ZCWPW2: variants seen among roughly 807,000 people sequenced by gnomAD.
ZCWPW2 encodes zinc finger CW-type and PWWP domain containing 2.
ZCWPW2 carries 45 observed loss-of-function variants against 46.6 expected under a neutral mutation model. The observed-to-expected ratio is 0.96, with a 90% CI of 0.76 to 1.24. The LOEUF (loss-of-function observed/expected upper bound fraction) is 1.24. ZCWPW2 is among the 50% of genes most tolerant of loss of function. The pLI is 0.00. For synonymous variants in ZCWPW2, 152 were observed against 137.1 expected, an observed-to-expected ratio of 1.11 and a Z score of -0.76; for missense variants, 429 against 403.9, an observed-to-expected ratio of 1.06 and a Z score of -0.53.
chr3:28,490,497 G>C (rs374991467), intron 5 of ZCWPW2, among the ~76,000 whole-genome samples: 15 of 152,180 alleles, frequency 9.9e-5, no homozygotes, highest in East Asian at 3.9e-4. Context: ...TCATGTAAAA[G>C]AACAAAATAA....
chr3:28,508,180 G>C (rs1403647664), intron 6 of ZCWPW2, among the ~76,000 whole-genome samples: 1 of 152,014 alleles, frequency 6.6e-6, no homozygotes, highest in African/African-American at 2.4e-5. Flanking sequence ...CCACAAAGGA[G>C]GGCATTGATC....
chr3:28,349,333 C>G, intron 1 of ZCWPW2, 130 bp downstream of exon 1: 4 of 441,578 alleles, frequency 9.1e-6, no homozygotes, highest in Non-Finnish European at 1.2e-5. Context: ...TGGCTCGGCT[C>G]AGTAGCGCTG....
At chr3:28,441,381 T>C (rs1697750156) in intron 4 of ZCWPW2, among the ~76,000 whole-genome samples, 1 of 152,180 alleles carries the variant, frequency 6.6e-6, no homozygotes, top group South Asian at 2.1e-4. Flanking sequence ...TAATCACACA[T>C]CTGGCGATTT....
intron 1 of ZCWPW2, among the ~76,000 whole-genome samples, chr3:28,366,981 G>C (rs79799423): frequency 0.22 from 33,697 of 152,058 alleles, 4,267 homozygotes; most frequent in Middle Eastern, 0.29. Context: ...TGTGGGATCA[G>C]TGGTTATACC....
At chr3:28,451,507 A>G (rs1237501228) in intron 4 of ZCWPW2, among the ~76,000 whole-genome samples, 1 of 152,156 alleles carries the variant, frequency 6.6e-6, no homozygotes, top group Non-Finnish European at 1.5e-5. Context: ...TTGTTTTTAA[A>G]TACATGTTGA....
intron 6 of ZCWPW2, among the ~76,000 whole-genome samples, chr3:28,511,651 A>G (rs1700428368): frequency 6.6e-6 from 1 of 152,184 alleles, no homozygotes; most frequent in South Asian, 2.1e-4. Context: ...AAGGTTCTTA[A>G]GATGCTTTCA....
intron 5 of ZCWPW2, among the ~76,000 whole-genome samples, chr3:28,481,756 T>G (rs1273648626): frequency 6.6e-6 from 1 of 152,194 alleles, no homozygotes; most frequent in Non-Finnish European, 1.5e-5. Flanking sequence ...TGTGAAAAGA[T>G]TTTATTTGAG....
intron 3 of ZCWPW2, among the ~76,000 whole-genome samples, chr3:28,417,597 A>G (rs1484072354): frequency 6.7e-6 from 1 of 149,014 alleles, no homozygotes; most frequent in Non-Finnish European, 1.5e-5. Flanking sequence ...CTTGATGAAC[A>G]TCGATGCAGA....
chr3:28,401,063 C>T (rs1202473011), intron 2 of ZCWPW2, among the ~76,000 whole-genome samples: 2 of 152,018 alleles, frequency 1.3e-5, no homozygotes, highest in East Asian at 1.9e-4. Flanking sequence ...CCTGTAGTCC[C>T]AGCTACTCGG....
chr3:28,364,757 C>G (rs544261946), intron 1 of ZCWPW2, among the ~76,000 whole-genome samples: 4 of 151,552 alleles, frequency 2.6e-5, no homozygotes, highest in Non-Finnish European at 5.9e-5. Flanking sequence ...ACTTCCACAA[C>G]GGTTGAACTA....
chr3:28,441,400 A>G (rs1439749497), intron 4 of ZCWPW2, among the ~76,000 whole-genome samples: 1 of 152,176 alleles, frequency 6.6e-6, no homozygotes, highest in African/African-American at 2.4e-5. Flanking sequence ...TTCTCCTTCC[A>G]TGCAAAGTGC....
rs1700817735 is a variant in ZCWPW2 at position 28,525,136 on chromosome 3, T to G, written c.*448T>G. On this transcript the variant is annotated 3_prime_UTR_variant, in exon 10 of 10. Coordinates refer to ENST00000383768, the MANE Select transcript of ZCWPW2 (RefSeq NM_001040432.4). Reference sequence around the variant, plus strand: ...TATTACAAAATAAAAGGAAATAATTTTTTAAATAATTGTTTAATAGAGTTG... The same window carrying G: ...TATTACAAAATAAAAGGAAATAATTGTTTAAATAATTGTTTAATAGAGTTG... The G allele has an allele frequency of 1.3e-5, 2 of 152,234 alleles. No homozygotes were observed. The highest frequency in any genetic ancestry group is 4.8e-5 in the African/African-American group (2 of 41,470). The allele number at this position is 152,234 out of a possible 1,614,324, so 9.4% of individuals were successfully genotyped here. A position where few individuals can be genotyped will look rare whatever the true frequency, so the allele number is the denominator to read the frequency against.
At chr3:28,369,896 T>C (rs1012765029) in intron 1 of ZCWPW2, among the ~76,000 whole-genome samples, 14 of 152,218 alleles carry the variant, frequency 9.2e-5, no homozygotes, top group Non-Finnish European at 1.6e-4. Context: ...CCTTGCAGTT[T>C]GATCTCAGAC....
chr3:28,424,238 C>CACACACAA (rs1293090428), intron 3 of ZCWPW2, among the ~76,000 whole-genome samples: 2 of 149,686 alleles, frequency 1.3e-5, no homozygotes, highest in Admixed American at 6.6e-5. Context: ...AACACACACA[C>CACACACAA]ACACACACAC....
At chr3:28,402,727 T>C (rs1221299939) in intron 2 of ZCWPW2, among the ~76,000 whole-genome samples, 1 of 152,082 alleles carries the variant, frequency 6.6e-6, no homozygotes, top group African/African-American at 2.4e-5. Context: ...ATATCAGAGA[T>C]GTAGGAATAG....
At chr3:28,482,900 G>A (rs372482890) in intron 5 of ZCWPW2, among the ~76,000 whole-genome samples, 7 of 151,902 alleles carry the variant, frequency 4.6e-5, no homozygotes, top group Admixed American at 6.6e-5. Context: ...TTTAGATGTC[G>A]CTCTTTTATA....
At chr3:28,457,473 T>A (rs1178080601) in intron 4 of ZCWPW2, among the ~76,000 whole-genome samples, 1 of 152,220 alleles carries the variant, frequency 6.6e-6, no homozygotes, top group Non-Finnish European at 1.5e-5. Context: ...TGGCTTAAAA[T>A]TTTTTAGGCT....
In ZCWPW2 at chr3:28,377,719, T is replaced by G. The variant is rs528030003; in HGVS notation, c.-133-12779T>G. On this transcript the variant is annotated intron_variant, in intron 1 of 9. Coordinates refer to ENST00000383768, the MANE Select transcript of ZCWPW2 (RefSeq NM_001040432.4). ...TTTTTTATTTATAATGCGACTGTAT[T>G]TGAAGACAGTCTGAAGAACTTAATT... Among the ~76,000 whole-genome samples, 268 of 152,184 alleles carry G rather than the reference T, an allele frequency of 1.8e-3. 2 individuals are homozygous for G. The highest frequency in any genetic ancestry group is 3.2e-3 in the Non-Finnish European group (217 of 67,930).
At chr3:28,480,082 C>T (rs923931864) in intron 5 of ZCWPW2, among the ~76,000 whole-genome samples, 19 of 152,096 alleles carry the variant, frequency 1.2e-4, no homozygotes, top group African/African-American at 3.9e-4. Context: ...TGGGTATATA[C>T]CCAGTAATGA....
Sources: allele counts gnomAD v4.1 joint callset (sites outside exome capture counted in the v4.1 genomes callset), GRCh38; gene constraint gnomAD v4.1.1; transcripts MANE v1.5; gene names NCBI Gene and HGNC (gene_info 2026-07-23, HGNC 2026-07-21).